SPECC1L: variants seen among roughly 807,000 people sequenced by gnomAD.
SPECC1L encodes the protein sperm antigen with calponin homology and coiled-coil domains 1 like.
A neutral mutation model predicts 116.8 loss-of-function variants in SPECC1L; 40 were observed. That is an observed-to-expected ratio of 0.34 (90% confidence interval 0.27 to 0.45). The LOEUF (loss-of-function observed/expected upper bound fraction) is 0.45. Among genes scored for constraint, SPECC1L ranks in the 20% least tolerant of loss-of-function variants. SPECC1L has a pLI of 1.00. For synonymous variants in SPECC1L, 504 were observed against 500.6 expected (o/e 1.01, Z -0.09); for missense variants, 1,110 against 1,373.6 (o/e 0.81, Z 3.03).
chr22:24,270,952 G>C lies in SPECC1L; in HGVS notation c.-173G>C, dbSNP rs1480698690. ...GAGCTCACCGCCCAGCCCAAACCAG[G>C]AGATTGCGAGGGAGCGATGCGGTGC... On this transcript the variant is annotated 5_prime_UTR_variant, in exon 1 of 17. Coordinates refer to ENST00000314328, the MANE Select transcript of SPECC1L (RefSeq NM_015330.6). The C allele has an allele frequency of 1.3e-5, 2 of 152,286 alleles. No homozygotes were observed. Among genetic ancestry groups the C allele is most frequent in the Non-Finnish European group, 2.9e-5 (2 of 68,074 alleles). 9.4% of individuals were successfully genotyped at this position (152,286 alleles called of 1,614,324 possible).
chr22:24,282,007 G>A (rs2048952947), intron 2 of SPECC1L, among the ~76,000 whole-genome samples: 1 of 152,236 alleles, frequency 6.6e-6, no homozygotes, highest in South Asian at 2.1e-4. Context: ...TTTAAGGACA[G>A]CTTGGTAGGT....
chr22:24,412,889 G>A lies in SPECC1L; in HGVS notation c.3264+182G>A, dbSNP rs564414281. Among the ~76,000 whole-genome samples the A allele has an allele frequency of 3.4e-5, 5 of 149,114 alleles. No homozygotes were observed. The South Asian group carries it at 1.1e-3, about 31-fold the overall frequency. On this transcript the variant is annotated intron_variant, in intron 16 of 16. Transcript: ENST00000314328. ...AGGGTGGGTGCAGATGTGGGATCTTGTGTCCTGGCCCCCAGCACTTTTATC... is the reference window on the plus strand; with the variant it reads ...AGGGTGGGTGCAGATGTGGGATCTTATGTCCTGGCCCCCAGCACTTTTATC...
chr22:24,373,518 A>G (rs557510836), intron 14 of SPECC1L, among the ~76,000 whole-genome samples: 2 of 152,244 alleles, frequency 1.3e-5, no homozygotes. Flanking sequence ...AAAACAAGAA[A>G]TGGGGAAAGG....
chr22:24,293,525 A>G (rs1348753509), intron 2 of SPECC1L, among the ~76,000 whole-genome samples: 2 of 152,222 alleles, frequency 1.3e-5, no homozygotes, highest in African/African-American at 4.8e-5. Context: ...AGACTTGAAA[A>G]TATTAGATAA....
chr22:24,373,773 A>G (rs1197872699), intron 14 of SPECC1L, among the ~76,000 whole-genome samples: 1 of 152,198 alleles, frequency 6.6e-6, no homozygotes, highest in East Asian at 1.9e-4. Flanking sequence ...AAATTGACAA[A>G]TGGGATCTAA....
rs142520181 is a variant in SPECC1L, at chr22:24,361,422, G to A, written c.2744-1839G>A. Among the ~76,000 whole-genome samples, 1,124 of 152,146 alleles carry A rather than the reference G, an allele frequency of 7.4e-3. 6 individuals are homozygous for A. Among genetic ancestry groups the A allele is most frequent in the South Asian group, 0.012 (60 of 4,820 alleles). On this transcript the variant is annotated intron_variant, in intron 11 of 16. Coordinates refer to ENST00000314328, the MANE Select transcript of SPECC1L (RefSeq NM_015330.6). ...ATAAATAAATAAAAAATAAAAAGAG[G>A]CTGGGTGAAATGGCTCACTCCTGTA...
intron 2 of SPECC1L, among the ~76,000 whole-genome samples, chr22:24,292,709 A>G (rs1039513614): frequency 6.6e-6 from 1 of 152,070 alleles, no homozygotes; most frequent in Non-Finnish European, 1.5e-5. Context: ...AACGTCATCA[A>G]TTATGTGAAT....
At chr22:24,412,317 G>C in intron 15 of SPECC1L, 1 of 425,518 alleles carries the variant, frequency 2.4e-6, no homozygotes, top group South Asian at 2.1e-5. Flanking sequence ...CCCTGTGGGG[G>C]AAGCTCATTT....
chr22:24,412,373 A>G, intron 15 of SPECC1L: 1 of 540,048 alleles, frequency 1.9e-6, no homozygotes, highest in Non-Finnish European at 3.4e-6. Flanking sequence ...TTCAGGTGCC[A>G]CAGCATTGGT....
Position 24,313,348 on chromosome 22 carries a change from C to A in SPECC1L, c.189C>A (p.Ala63=). The A allele has an allele frequency of 6.2e-7, 1 of 1,614,004 alleles. No homozygotes were observed. The highest frequency in any genetic ancestry group is 8.5e-7 in the Non-Finnish European group (1 of 1,180,002). ...KSSDDLLAGM[A]GGVTVTNGVK... The stretch of plus-strand genomic sequence containing the variant: ...GTGATGACCTTTTAGCTGGAATGGC[C>A]GGAGGGGTAACGGTGACTAATGGTG... The change falls in exon 4 of 17, where the codon GCC becomes GCA. Residue 63 remains alanine (A), a synonymous_variant. Coordinates refer to ENST00000314328, the MANE Select transcript of SPECC1L (RefSeq NM_015330.6).
Position 24,327,290 on chromosome 22 carries a change from A to C in SPECC1L, c.2147-1556A>C, listed in dbSNP as rs201080275. Among the ~76,000 whole-genome samples, 59 of 146,406 alleles carry C rather than the reference A, an allele frequency of 4.0e-4. No homozygotes were observed. The East Asian group carries it at 7.5e-3, about 19-fold the overall frequency. ...GAGACTCCGTCTCAAAAAAAAAAAAAAAAAAAAAAAAACATCAGAACACAC... is the reference window on the plus strand; with the variant it reads ...GAGACTCCGTCTCAAAAAAAAAAAACAAAAAAAAAAAACATCAGAACACAC... On this transcript the variant is annotated intron_variant, in intron 6 of 16. Transcript: ENST00000314328.
intron 2 of SPECC1L, among the ~76,000 whole-genome samples, chr22:24,278,596 T>C (rs555147421): frequency 6.6e-5 from 10 of 152,226 alleles, no homozygotes; most frequent in African/African-American, 2.4e-4. Flanking sequence ...CACAAAAACT[T>C]TTGCATTCTT....
At chr22:24,341,679 G>C (rs770896815) in intron 10 of SPECC1L, among the ~76,000 whole-genome samples, 1 of 152,218 alleles carries the variant, frequency 6.6e-6, no homozygotes, top group Admixed American at 6.5e-5. Context: ...GCTGCAGCTC[G>C]TGATTTGCTT....
chr22:24,280,767 C>T (rs1343244707), intron 2 of SPECC1L, among the ~76,000 whole-genome samples: 3 of 151,874 alleles, frequency 2.0e-5, no homozygotes, highest in South Asian at 2.1e-4. Context: ...TTTGTAGAGG[C>T]GGCGTTTCAC....
intron 2 of SPECC1L, among the ~76,000 whole-genome samples, chr22:24,277,189 A>G (rs1279710731): frequency 6.6e-6 from 1 of 151,986 alleles, no homozygotes; most frequent in Non-Finnish European, 1.5e-5. Flanking sequence ...CTCCCAACTC[A>G]TGGCCCCTGG....
Position 24,347,179 on chromosome 22 carries a change from A to G in SPECC1L, c.2743+3A>G, listed in dbSNP as rs1464451775. ...CTATGGGGAAATCCCTGTTCAAGGT[A>G]CGTGTAATATGCCATAGCATTTCAC... On this transcript the variant is annotated splice_donor_region_variant and intron_variant, in intron 11 of 16. Coordinates refer to ENST00000314328, the MANE Select transcript of SPECC1L (RefSeq NM_015330.6). The G allele has an allele frequency of 1.9e-6, 3 of 1,608,024 alleles. No homozygotes were observed. The highest frequency in any genetic ancestry group is 1.3e-5 in the African/African-American group (1 of 74,804).
In SPECC1L at chr22:24,347,145, G is replaced by A. The variant is rs779036548; in HGVS notation, c.2712G>A (p.Lys904=). The A allele has an allele frequency of 1.9e-6, 3 of 1,613,916 alleles. No homozygotes were observed. The highest frequency in any genetic ancestry group is 1.7e-4 in the Middle Eastern group (1 of 6,060). ...AACCCCTGACAGCCCTGTCAGATAA[G>A]AGACCAAACTATGGGGAAATCCCTG... ...TSKPLTALSD[K]RPNYGEIPVQ... Residue 904 remains lysine (K), a synonymous_variant, in exon 11 of 17, where the codon AAG becomes AAA. Coordinates refer to ENST00000314328, the MANE Select transcript of SPECC1L (RefSeq NM_015330.6).
intron 2 of SPECC1L, among the ~76,000 whole-genome samples, chr22:24,298,795 T>TTAATCTGCTTTAGA (rs1434995191): frequency 6.6e-6 from 1 of 152,228 alleles, no homozygotes; most frequent in Non-Finnish European, 1.5e-5. Flanking sequence ...ATTAGGGAAG[T>TTAATCTGCTTTAGA]TAATCTGCTT....
intron 11 of SPECC1L, among the ~76,000 whole-genome samples, chr22:24,358,951 G>A (rs1204967648): frequency 6.6e-6 from 1 of 152,076 alleles, no homozygotes; most frequent in Non-Finnish European, 1.5e-5. Flanking sequence ...CCACTTATCT[G>A]ACCCCTGGAT....
Sources: gnomAD v4.1 joint callset for allele counts (sites outside exome capture counted in the v4.1 genomes callset) on GRCh38, gnomAD v4.1.1 for gene constraint, MANE v1.5 for transcripts, NCBI Gene and HGNC (gene_info 2026-07-23, HGNC 2026-07-21) for gene names.